LNP1: variants seen among roughly 807,000 people sequenced by gnomAD.
The protein encoded by LNP1 is leukemia NUP98 fusion partner 1.
In LNP1, 12 loss-of-function variants were observed where a neutral mutation model predicts 14.5. The ratio of observed to expected loss-of-function variants is 0.83; its 90% CI spans 0.53 to 1.34. LNP1 has a LOEUF of 1.34. Ranked by LOEUF, LNP1 falls within the 40% of genes most tolerant of loss-of-function variation. LNP1 has a pLI of 0.00. For synonymous variants in LNP1, 75 were observed against 71.4 expected (o/e 1.05, Z -0.26); for missense variants, 198 against 210.9 (o/e 0.94, Z 0.38).
chr3:100,448,945 A>C (rs1019795331), intron 2 of LNP1, among the ~76,000 whole-genome samples: 1 of 152,220 alleles, frequency 6.6e-6, no homozygotes, highest in Non-Finnish European at 1.5e-5. Flanking sequence ...AATAGCTTTA[A>C]ATTTGCATAT....
At chr3:100,423,189 A>G (rs1230283894) in intron 1 of LNP1, among the ~76,000 whole-genome samples, 1 of 152,210 alleles carries the variant, frequency 6.6e-6, no homozygotes, top group Non-Finnish European at 1.5e-5. Flanking sequence ...AAGATGTAGC[A>G]GTTTAGCTCT....
At chr3:100,417,670 C>T (rs760932587) in intron 1 of LNP1, among the ~76,000 whole-genome samples, 2 of 152,022 alleles carry the variant, frequency 1.3e-5, no homozygotes, top group Admixed American at 6.6e-5. Flanking sequence ...TGAGACACCT[C>T]GCACTGCCGG....
chr3:100,452,631 C>G (rs918537391), intron 3 of LNP1, among the ~76,000 whole-genome samples: 3 of 152,022 alleles, frequency 2.0e-5, no homozygotes, highest in African/African-American at 4.8e-5. Context: ...ATTTAATCCT[C>G]TAGCAAATAG....
intron 1 of LNP1, among the ~76,000 whole-genome samples, chr3:100,425,480 A>G (rs1188911832): frequency 6.6e-6 from 1 of 152,172 alleles, no homozygotes; most frequent in Admixed American, 6.6e-5. Context: ...AGCATCCTGG[A>G]AAGGGATCAC....
At chr3:100,428,057 C>G (rs191553041) in intron 1 of LNP1, among the ~76,000 whole-genome samples, 101 of 152,334 alleles carry the variant, frequency 6.6e-4, no homozygotes, top group African/African-American at 2.3e-3. Flanking sequence ...TCCAAGTTCT[C>G]TTGAAATACT....
chr3:100,450,332 A>ATTT (rs1346496509), intron 2 of LNP1, among the ~76,000 whole-genome samples: 1 of 138,968 alleles, frequency 7.2e-6, no homozygotes, highest in Admixed American at 7.3e-5. Context: ...CTGGATGTTA[A>ATTT]TTTTTTTTTT....
intron 3 of LNP1, among the ~76,000 whole-genome samples, chr3:100,452,527 T>C (rs1707470035): frequency 6.6e-6 from 1 of 152,128 alleles, no homozygotes; most frequent in African/African-American, 2.4e-5. Context: ...TTGAGCCTGC[T>C]TTCATCAACC....
intron 2 of LNP1, among the ~76,000 whole-genome samples, chr3:100,447,422 G>A (rs186374712): frequency 1.3e-5 from 2 of 152,196 alleles, no homozygotes; most frequent in Admixed American, 1.3e-4. Context: ...ACACAGTGGG[G>A]GGAACATCAC....
chr3:100,448,865 GT>G (rs1707411292), intron 2 of LNP1, among the ~76,000 whole-genome samples: 1 of 151,698 alleles, frequency 6.6e-6, no homozygotes, highest in Admixed American at 6.6e-5. Flanking sequence ...TCATAAAACC[GT>G]TTTTTTTCCT....
At chr3:100,405,657 A>G (rs1706958360) in intron 1 of LNP1, among the ~76,000 whole-genome samples, 1 of 152,082 alleles carries the variant, frequency 6.6e-6, no homozygotes. Context: ...CATCCTCATG[A>G]TCTAATCACT....
rs370598000 is a variant in LNP1 at position 100,429,837 on chromosome 3, C to G, written c.108C>G (p.Arg36=). The G allele has an allele frequency of 1.9e-6, 3 of 1,613,978 alleles. No homozygotes were observed. Residue 36 remains arginine (R), a synonymous_variant, in exon 2 of 4, where the codon CGC becomes CGG. Coordinates refer to ENST00000383693, the MANE Select transcript of LNP1 (RefSeq NM_001085451.2). ...REEDQRGLRE[R]HRLQATSHRK... ...AGGATCAGAGAGGACTCCGGGAACGCCACCGACTGCAAGCCACCAGTCACA... is the reference window on the plus strand; with the variant it reads ...AGGATCAGAGAGGACTCCGGGAACGGCACCGACTGCAAGCCACCAGTCACA...
At chr3:100,430,816 G>A (rs1177676731) in intron 2 of LNP1, among the ~76,000 whole-genome samples, 1 of 152,176 alleles carries the variant, frequency 6.6e-6, no homozygotes, top group African/African-American at 2.4e-5. Flanking sequence ...TACTCCTGGT[G>A]ATCAGCAAGT....
chr3:100,411,176 C>A (rs537465417), intron 1 of LNP1, among the ~76,000 whole-genome samples: 1 of 152,302 alleles, frequency 6.6e-6, no homozygotes, highest in South Asian at 2.1e-4. Flanking sequence ...GTTACAAAAG[C>A]CATCACCTCT....
chr3:100,435,203 T>C (rs1707283022), intron 2 of LNP1, among the ~76,000 whole-genome samples: 1 of 152,230 alleles, frequency 6.6e-6, no homozygotes, highest in African/African-American at 2.4e-5. Flanking sequence ...AGGGAGCTTT[T>C]AGCATAATGT....
Position 100,449,386 on chromosome 3 carries a change from G to A in LNP1, c.157-2333G>A, listed in dbSNP as rs143445668. Among the ~76,000 whole-genome samples the A allele has an allele frequency of 6.6e-5, 10 of 152,274 alleles. No homozygotes were observed. In the East Asian group the frequency reaches 1.9e-3, roughly 29 times the overall value. On this transcript the variant is annotated intron_variant, in intron 2 of 3. Coordinates refer to ENST00000383693, the MANE Select transcript of LNP1 (RefSeq NM_001085451.2). ...TACAAAAGCAAGCAGTTTAAAAGCT[G>A]AGATAAACTTGTCTGTTTACACTCC...
In LNP1 at chr3:100,455,955, T is replaced by G. The variant is rs1707507167; in HGVS notation, c.*29T>G. ...TCTGCTTCTGCCTCATGACATCAGA[T>G]GCTACTGTTTTGGTTTTTTTCTTTG... On this transcript the variant is annotated 3_prime_UTR_variant, in exon 4 of 4. Transcript: ENST00000383693. 6.3e-7 allele frequency: 1 copy of G among 1,580,196 alleles called. No individual in the cohort carries two copies. The highest frequency in any genetic ancestry group is 8.6e-7 in the Non-Finnish European group (1 of 1,166,790).
chr3:100,428,534 A>C (rs1707215336), intron 1 of LNP1, among the ~76,000 whole-genome samples: 1 of 151,482 alleles, frequency 6.6e-6, no homozygotes, highest in Admixed American at 6.6e-5. Flanking sequence ...TCCATCTCAA[A>C]AAAAAAAAAA....
chr3:100,447,601 A>T (rs908676973), intron 2 of LNP1, among the ~76,000 whole-genome samples: 16 of 137,254 alleles, frequency 1.2e-4, no homozygotes, highest in East Asian at 2.1e-4. Context: ...AGTATAATTT[A>T]AAAAAAAAGA....
At chr3:100,424,925 A>G (rs922746667) in intron 1 of LNP1, among the ~76,000 whole-genome samples, 18 of 152,236 alleles carry the variant, frequency 1.2e-4, no homozygotes, top group African/African-American at 3.6e-4. Flanking sequence ...GATTTAGCCA[A>G]TTAAAACAAA....
Sources: allele counts gnomAD v4.1 joint callset (sites outside exome capture counted in the v4.1 genomes callset), GRCh38; gene constraint gnomAD v4.1.1; transcripts MANE v1.5; gene names NCBI Gene and HGNC (gene_info 2026-07-23, HGNC 2026-07-21).